Variants in HIPK2 observed in about 807,000 individuals in gnomAD.
HIPK2 encodes homeodomain-interacting protein kinase 2.
In HIPK2, 27 loss-of-function variants were observed where a neutral mutation model predicts 113.7. The ratio of observed to expected loss-of-function variants is 0.24; its 90% CI spans 0.17 to 0.33. The LOEUF (loss-of-function observed/expected upper bound fraction) is 0.33, where lower values mean the gene tolerates loss of function less well. HIPK2 is among the 10% of genes least tolerant of loss of function. The pLI, the probability that HIPK2 is intolerant of heterozygous loss-of-function variation, is 1.00. For synonymous variants in HIPK2, 631 were observed against 642.2 expected (o/e 0.98, Z 0.26); for missense variants, 1,257 against 1,588.0 (o/e 0.79, Z 3.54).
chr7:139,648,280 T>C (rs1257762188), intron 2 of HIPK2, among the ~76,000 whole-genome samples: 2 of 152,236 alleles, frequency 1.3e-5, no homozygotes, highest in Non-Finnish European at 2.9e-5. Flanking sequence ...CCTAACTCTT[T>C]AGTAAGTCTT....
chr7:139,694,890 A>G lies in HIPK2; in HGVS notation c.1103+21042T>C, dbSNP rs1794519875. ...GTTGCATGCAGACATTACAACAGAA[A>G]AGGAACAGTCAAACAAGGAATATCC... On this transcript the variant is annotated intron_variant, in intron 2 of 14. Coordinates refer to ENST00000406875, the MANE Select transcript of HIPK2 (RefSeq NM_022740.5). Among the ~76,000 whole-genome samples, 10 of 152,302 alleles carry G rather than the reference A, an allele frequency of 6.6e-5. No homozygotes were observed. The South Asian group carries it at 1.9e-3, about 28-fold the overall frequency.
intron 2 of HIPK2, among the ~76,000 whole-genome samples, chr7:139,666,192 CCT>C (rs1802044204): frequency 2.0e-5 from 3 of 151,978 alleles, no homozygotes; most frequent in Non-Finnish European, 1.5e-5. Flanking sequence ...CAATGTTTTC[CCT>C]GTTTTGTTCC....
At chr7:139,658,126 T>C (rs1013455700) in intron 2 of HIPK2, among the ~76,000 whole-genome samples, 1 of 152,160 alleles carries the variant, frequency 6.6e-6, no homozygotes, top group Non-Finnish European at 1.5e-5. Flanking sequence ...AGCAACATGG[T>C]GAAACCCCGT....
At chr7:139,719,008 G>C (rs991934915) in intron 1 of HIPK2, among the ~76,000 whole-genome samples, 1 of 152,116 alleles carries the variant, frequency 6.6e-6, no homozygotes, top group African/African-American at 2.4e-5. Context: ...CTTAACCTCT[G>C]CAACATCTGA....
At chr7:139,730,803 A>G (rs2117028757) in intron 1 of HIPK2, among the ~76,000 whole-genome samples, 2 of 152,336 alleles carry the variant, frequency 1.3e-5, no homozygotes, top group Middle Eastern at 3.4e-3. Flanking sequence ...AAGTTACAAT[A>G]AATTCATTAA....
At chr7:139,654,628 G>A (rs1801592518) in intron 2 of HIPK2, among the ~76,000 whole-genome samples, 1 of 152,150 alleles carries the variant, frequency 6.6e-6, no homozygotes, top group South Asian at 2.1e-4. Context: ...ATGGGCTTGA[G>A]GCTTCACCAA....
Position 139,576,615 on chromosome 7 carries a change from T to C in HIPK2, c.2966-1327A>G, listed in dbSNP as rs540020940. On this transcript the variant is annotated intron_variant, in intron 13 of 14. Coordinates refer to ENST00000406875, the MANE Select transcript of HIPK2 (RefSeq NM_022740.5). ...AGCTCCTGCCCTGTGCTAAGGACGG[T>C]GACTGTGTACCACCAGGGACGGGGG... Among the ~76,000 whole-genome samples the C allele has an allele frequency of 1.1e-4, 16 of 152,276 alleles. No homozygotes were observed. The South Asian group carries it at 3.1e-3, about 30-fold the overall frequency.
At chr7:139,761,957 G>A (rs1053793893) in intron 1 of HIPK2, among the ~76,000 whole-genome samples, 1 of 151,862 alleles carries the variant, frequency 6.6e-6, no homozygotes, top group African/African-American at 2.4e-5. Context: ...GAGAGAGAGA[G>A]AGACTAACTG....
At chr7:139,766,782 C>A (rs1407253130) in intron 1 of HIPK2, among the ~76,000 whole-genome samples, 1 of 152,156 alleles carries the variant, frequency 6.6e-6, no homozygotes, top group African/African-American at 2.4e-5. Context: ...TGGAGAAAAT[C>A]ATAGAGCTCT....
intron 7 of HIPK2, among the ~76,000 whole-genome samples, chr7:139,614,983 C>A (rs1216772513): frequency 6.6e-6 from 1 of 152,152 alleles, no homozygotes; most frequent in East Asian, 1.9e-4. Context: ...CTGCCCAAGC[C>A]CCATTCCATC....
intron 2 of HIPK2, among the ~76,000 whole-genome samples, chr7:139,652,468 T>C (rs1274221871): frequency 6.6e-6 from 1 of 152,230 alleles, no homozygotes. Flanking sequence ...TACCAAGTCA[T>C]GGTTGCTGTT....
At chr7:139,595,513 C>T (rs562028448) in intron 12 of HIPK2, among the ~76,000 whole-genome samples, 1 of 152,106 alleles carries the variant, frequency 6.6e-6, no homozygotes. Context: ...ACCTGGGTCC[C>T]CTCTGACACC....
At chr7:139,668,486 C>A (rs189295805) in intron 2 of HIPK2, among the ~76,000 whole-genome samples, 1 of 150,168 alleles carries the variant, frequency 6.7e-6, no homozygotes, top group East Asian at 2.0e-4. Flanking sequence ...GGCGTGAACC[C>A]GGGAGGCAGA....
At chr7:139,728,125 T>C (rs1795644179) in intron 1 of HIPK2, among the ~76,000 whole-genome samples, 2 of 151,970 alleles carry the variant, frequency 1.3e-5, no homozygotes, top group South Asian at 2.1e-4. Flanking sequence ...TATTTTTTTA[T>C]AGAGACGGGG....
intron 14 of HIPK2, 116 bp from the exon 15 acceptor site, chr7:139,573,513 T>G (rs1045693101): frequency 2.2e-6 from 2 of 925,022 alleles, no homozygotes; most frequent in Non-Finnish European, 3.3e-6. Flanking sequence ...CCAGAAGTAA[T>G]AGAAGGGGCT....
chr7:139,769,351 A>AC (rs1796611553), intron 1 of HIPK2, among the ~76,000 whole-genome samples: 1 of 152,150 alleles, frequency 6.6e-6, no homozygotes, highest in Admixed American at 6.5e-5. Context: ...AGCATGGCCC[A>AC]CCCCTGGCTG....
intron 1 of HIPK2, among the ~76,000 whole-genome samples, chr7:139,733,547 CTGATA>C (rs2117042138): frequency 6.6e-6 from 1 of 152,270 alleles, no homozygotes; most frequent in South Asian, 2.1e-4. Flanking sequence ...GAGAACACTC[CTGATA>C]TATGTGATTT....
intron 1 of HIPK2, among the ~76,000 whole-genome samples, chr7:139,775,204 A>G (rs1796719842): frequency 6.6e-6 from 1 of 152,214 alleles, no homozygotes; most frequent in South Asian, 2.1e-4. Context: ...CTGCTCGTTT[A>G]GCATGCACAC....
intron 2 of HIPK2, among the ~76,000 whole-genome samples, chr7:139,668,094 C>G (rs555879300): frequency 8.1e-4 from 122 of 150,112 alleles, no homozygotes; most frequent in South Asian, 1.5e-3. Context: ...CCATTGCACT[C>G]CAGCCTGGGT....
Sources: gnomAD v4.1 joint callset for allele counts (sites outside exome capture counted in the v4.1 genomes callset) on GRCh38, gnomAD v4.1.1 for gene constraint, MANE v1.5 for transcripts, NCBI Gene and HGNC (gene_info 2026-07-23, HGNC 2026-07-21) for gene names.